Variants in MRC2 observed in about 807,000 individuals in gnomAD.
MRC2 encodes C-type mannose receptor 2.
Under a neutral mutation model 206.2 loss-of-function variants are expected in MRC2, and 84 were observed. The observed-to-expected ratio is 0.41, with a 90% CI of 0.34 to 0.49. MRC2 has a LOEUF of 0.49. Ranked by LOEUF, MRC2 falls within the 20% of genes least tolerant of loss-of-function variation. MRC2 has a pLI of 0.31. For missense variants in MRC2, 1,676 were observed against 2,001.5 expected, an observed-to-expected ratio of 0.84 and a Z score of 3.10; for synonymous variants, 798 against 800.0, an observed-to-expected ratio of 1.00 and a Z score of 0.04.
At chr17:62,644,035 C>A (rs1205047706) in intron 1 of MRC2, among the ~76,000 whole-genome samples, 1 of 152,038 alleles carries the variant, frequency 6.6e-6, no homozygotes, top group Non-Finnish European at 1.5e-5. Flanking sequence ...GGTAGAAAAA[C>A]CACAGTAAAA....
At chr17:62,691,256 C>A in intron 28 of MRC2, 128 bp downstream of exon 28, 1 of 1,112,594 alleles carries the variant, frequency 9.0e-7, no homozygotes, top group Non-Finnish European at 1.2e-6. Flanking sequence ...GAACGGACTG[C>A]GGGCAGCTGG....
At chr17:62,628,720 C>T (rs2084191150) in intron 1 of MRC2, among the ~76,000 whole-genome samples, 1 of 152,256 alleles carries the variant, frequency 6.6e-6, no homozygotes, top group Admixed American at 6.5e-5. Flanking sequence ...CCATTCTCTT[C>T]CTGCTCCTTA....
intron 1 of MRC2, among the ~76,000 whole-genome samples, chr17:62,656,689 TAG>T (rs2088623399): frequency 6.6e-6 from 1 of 152,122 alleles, no homozygotes; most frequent in South Asian, 2.1e-4. Flanking sequence ...GAGGAGGTCC[TAG>T]AGCAGTAACC....
Position 62,645,525 on chromosome 17 carries a change from ATATTTTTTTTTT to A in MRC2, c.118+17607_118+17618del, listed in dbSNP as rs1453894476. On this transcript the variant is annotated intron_variant, in intron 1 of 29. Coordinates refer to ENST00000303375, the MANE Select transcript of MRC2 (RefSeq NM_006039.5). Reference sequence around the variant, plus strand: ...TATATATATATATATATATATATATATATTTTTTTTTTTTTTTTTTTTTTTTGAGATGGAGTC... The same window carrying A: ...TATATATATATATATATATATATATATTTTTTTTTTTTTTGAGATGGAGTC... 9.9e-3 allele frequency among the ~76,000 whole-genome samples: 382 copies of A among 38,476 alleles called. 2 individuals carry two copies. The highest frequency in any genetic ancestry group is 0.032 in the African/African-American group (350 of 10,770). The allele number at this position is 38,476 out of a possible 152,430, so 25.2% of individuals were successfully genotyped here. A position where few individuals can be genotyped will look rare whatever the true frequency, so the allele number is the denominator to read the frequency against.
At chr17:62,647,755 A>G (rs1180955172) in intron 1 of MRC2, among the ~76,000 whole-genome samples, 1 of 152,094 alleles carries the variant, frequency 6.6e-6, no homozygotes, top group Admixed American at 6.6e-5. Flanking sequence ...ATTCTTTTGA[A>G]GGTTTTTGAT....
rs575846013 is a variant in MRC2, at chr17:62,674,170, G to A, written c.1569G>A (p.Lys523=). The change falls in exon 9 of 30, where the codon AAG becomes AAA. Residue 523 remains lysine, a splice_region_variant and synonymous_variant. Coordinates refer to ENST00000303375, the MANE Select transcript of MRC2 (RefSeq NM_006039.5). ...GAAEEDHGCR[K]GWTWHSPSCY... Reference sequence around the variant, plus strand: ...CCGAGGAGGACCATGGCTGCCGGAAGGTGAGGGTGTTTCTGGAGCTGCCCT... The same window carrying A: ...CCGAGGAGGACCATGGCTGCCGGAAAGTGAGGGTGTTTCTGGAGCTGCCCT... The A allele has an allele frequency of 4.3e-5, 66 of 1,546,834 alleles. No individual in the cohort carries two copies. In the East Asian group the frequency reaches 1.5e-3, roughly 36 times the overall value.
At chr17:62,679,994 T>C in intron 14 of MRC2, 92 bp downstream of exon 14, 1 of 1,463,262 alleles carries the variant, frequency 6.8e-7, no homozygotes, top group Non-Finnish European at 9.2e-7. Flanking sequence ...GCGGGTTTTC[T>C]TGAGGGCCGG....
intron 1 of MRC2, among the ~76,000 whole-genome samples, chr17:62,653,405 A>C (rs1418986222): frequency 6.6e-6 from 1 of 152,074 alleles, no homozygotes; most frequent in Non-Finnish European, 1.5e-5. Flanking sequence ...CTGGAGGATC[A>C]GCAAAACCGC....
rs1457140826 is a variant in MRC2, at chr17:62,634,772, G to A, written c.118+6852G>A. Among the ~76,000 whole-genome samples the A allele has an allele frequency of 3.3e-5, 5 of 151,456 alleles. No homozygotes were observed. In the South Asian group the frequency reaches 8.4e-4, roughly 25 times the overall value. On this transcript the variant is annotated intron_variant, in intron 1 of 29. Transcript: ENST00000303375. ...ACGCAGCCCAGGAGTTCCCAGCCTCGTTTTACCCAGCCCCTTTTAAAGATG... is the reference window on the plus strand; with the variant it reads ...ACGCAGCCCAGGAGTTCCCAGCCTCATTTTACCCAGCCCCTTTTAAAGATG...
chr17:62,643,001 C>T (rs8078112), intron 1 of MRC2, among the ~76,000 whole-genome samples: 76,968 of 151,938 alleles, frequency 0.51, 21,086 homozygotes, highest in East Asian at 0.81. Context: ...CTGAGCCAGA[C>T]GCTACTTCAT....
chr17:62,680,718 C>A lies in MRC2; in HGVS notation c.2474-82C>A, dbSNP rs892992948. ...TCGCCTGCTGCCGCCTGGCTCTGCC[C>A]CGGCCCTGCCGCGCCCGCCTCCGGG... On this transcript the variant is annotated intron_variant, in intron 16 of 29. Transcript: ENST00000303375. This position sits in a 1 kb window ranked among gnomAD's most constrained non-coding sequence, Gnocchi z 4.8. 1 of 1,400,014 alleles carries A rather than the reference C, an allele frequency of 7.1e-7. No homozygotes were observed. Among genetic ancestry groups the A allele is most frequent in the Non-Finnish European group, 9.3e-7 (1 of 1,079,634 alleles). The allele number at this position is 1,400,014 out of a possible 1,614,324, so 86.7% of individuals were successfully genotyped here.
At chr17:62,648,839 T>A (rs1416724052) in intron 1 of MRC2, among the ~76,000 whole-genome samples, 1 of 152,256 alleles carries the variant, frequency 6.6e-6, no homozygotes, top group African/African-American at 2.4e-5. Context: ...TTGCAGTGTC[T>A]GCTAAGCCTG....
Position 62,652,266 on chromosome 17 carries a change from G to T in MRC2, c.119-12282G>T, listed in dbSNP as rs933268733. On this transcript the variant is annotated intron_variant, in intron 1 of 29. Coordinates refer to ENST00000303375, the MANE Select transcript of MRC2 (RefSeq NM_006039.5). The surrounding 1 kb of genome is among the most constrained non-coding windows in gnomAD (Gnocchi z 4.6). ...AGGCGTGGAGTCCTAACCTGTCCATGATTTTAAGAAAGGGCAGGCGCACAA... is the reference window on the plus strand; with the variant it reads ...AGGCGTGGAGTCCTAACCTGTCCATTATTTTAAGAAAGGGCAGGCGCACAA... 6.6e-5 allele frequency among the ~76,000 whole-genome samples: 10 copies of T among 152,248 alleles called. No homozygotes were observed. Among genetic ancestry groups the T allele is most frequent in the African/African-American group, 2.4e-4 (10 of 41,468 alleles).
At chr17:62,673,542 CCT>C (rs1297619273) in intron 8 of MRC2, among the ~76,000 whole-genome samples, 4 of 144,224 alleles carry the variant, frequency 2.8e-5, no homozygotes, top group African/African-American at 1.0e-4. Flanking sequence ...GGAGTTTCAC[CCT>C]GTCGCCCAGG....
At chr17:62,670,573 T>C (rs2088815470) in intron 6 of MRC2, among the ~76,000 whole-genome samples, 1 of 152,214 alleles carries the variant, frequency 6.6e-6, no homozygotes, top group Admixed American at 6.5e-5. Flanking sequence ...CTGTTTTCTC[T>C]TGCCAAGACC....
chr17:62,632,566 C>T (rs1361250740), intron 1 of MRC2, among the ~76,000 whole-genome samples: 1 of 152,222 alleles, frequency 6.6e-6, no homozygotes, highest in African/African-American at 2.4e-5. Flanking sequence ...CTTTCTCCAC[C>T]TCCAGGCTTC....
chr17:62,646,890 A>G (rs543957272), intron 1 of MRC2, among the ~76,000 whole-genome samples: 2 of 152,344 alleles, frequency 1.3e-5, no homozygotes, highest in East Asian at 1.9e-4. Context: ...ATCAACAGCT[A>G]TCTCATAAGT....
chr17:62,636,673 C>T (rs555980027), intron 1 of MRC2, among the ~76,000 whole-genome samples: 7 of 151,674 alleles, frequency 4.6e-5, no homozygotes, highest in African/African-American at 1.5e-4. Context: ...GGGGTTTCAC[C>T]GTGTTAGCCA....
intron 1 of MRC2, among the ~76,000 whole-genome samples, chr17:62,662,016 G>A (rs1419209408): frequency 6.6e-6 from 1 of 152,094 alleles, no homozygotes; most frequent in East Asian, 1.9e-4. Flanking sequence ...GGGAGTCTGA[G>A]GAGGGCAGAT....
Sources: gnomAD v4.1 joint callset for allele counts (sites outside exome capture counted in the v4.1 genomes callset) on GRCh38, gnomAD v4.1.1 for gene constraint, Gnocchi (gnomAD v3.1) non-coding constraint, MANE v1.5 for transcripts, NCBI Gene and HGNC (gene_info 2026-07-23, HGNC 2026-07-21) for gene names.